DCLK3: variants seen among roughly 807,000 people sequenced by gnomAD.
DCLK3 encodes serine/threonine-protein kinase DCLK3.
DCLK3 carries 30 observed loss-of-function variants against 46.4 expected under a neutral mutation model. The ratio of observed to expected loss-of-function variants is 0.65; its 90% CI spans 0.48 to 0.88. The LOEUF (loss-of-function observed/expected upper bound fraction) is 0.88. Ranked by LOEUF, DCLK3 falls within the 40% of genes least tolerant of loss-of-function variation. DCLK3 has a pLI of 0.00. For missense variants in DCLK3, 846 were observed against 907.1 expected (o/e 0.93, Z 0.87); for synonymous variants, 401 against 339.2 (o/e 1.18, Z -2.00).
chr3:36,727,603 T>A (rs1451494896), intron 2 of DCLK3, among the ~76,000 whole-genome samples: 1 of 152,194 alleles, frequency 6.6e-6, no homozygotes, highest in Non-Finnish European at 1.5e-5. Flanking sequence ...AGAGCTTTTC[T>A]CTTTCAATCT....
At chr3:36,754,814 C>T (rs551880437) in intron 1 of DCLK3, among the ~76,000 whole-genome samples, 3 of 152,156 alleles carry the variant, frequency 2.0e-5, no homozygotes, top group South Asian at 2.1e-4. Context: ...TAGGACATAC[C>T]TATGTGTTTG....
At chr3:36,718,260 G>T in intron 3 of DCLK3, 83 bp from the exon 4 acceptor site, 1 of 1,579,386 alleles carries the variant, frequency 6.3e-7, no homozygotes, top group Non-Finnish European at 8.6e-7. Flanking sequence ...GAGTATTGTG[G>T]TTCTAAATAG....
chr3:36,722,997 A>C (rs1214022683), intron 2 of DCLK3, among the ~76,000 whole-genome samples: 1 of 152,204 alleles, frequency 6.6e-6, no homozygotes, highest in African/African-American at 2.4e-5. Flanking sequence ...GAAGACAGAA[A>C]AATGTGGGAA....
intron 1 of DCLK3, among the ~76,000 whole-genome samples, chr3:36,760,543 G>A (rs934429749): frequency 1.3e-5 from 2 of 151,934 alleles, no homozygotes; most frequent in African/African-American, 2.4e-5. Context: ...GAGTTAATGG[G>A]TGCAGCACAC....
In DCLK3 at chr3:36,737,814, C is replaced by G; in HGVS notation, c.1353G>C (p.Ala451=). The G allele has an allele frequency of 6.2e-7, 1 of 1,614,108 alleles. No individual in the cohort carries two copies. The highest frequency in any genetic ancestry group is 8.5e-7 in the Non-Finnish European group (1 of 1,180,036). Residue 451 remains alanine (A), a synonymous_variant, in exon 2 of 5, where the codon GCG becomes GCC. Coordinates refer to ENST00000636136, the MANE Select transcript of DCLK3 (RefSeq NM_001394672.2). This position sits in a 1 kb window ranked among gnomAD's most constrained non-coding sequence, Gnocchi z 4.4. ...GGGTCCTGCGGAGCTTCTCAAAGCC[C>G]GCCTGGTGCTCTCTCAGGAGCCAGC... is the stretch of plus-strand genomic sequence containing the variant. ...HGGWLLREHQ[A]GFEKLRRTRG...
intron 2 of DCLK3, among the ~76,000 whole-genome samples, chr3:36,723,082 G>A (rs998319434): frequency 1.1e-4 from 17 of 152,188 alleles, no homozygotes; most frequent in African/African-American, 4.1e-4. Context: ...ATAAAGTCCA[G>A]ACTGAGGTGG....
At chr3:36,749,864 TC>T (rs1371930619) in intron 1 of DCLK3, among the ~76,000 whole-genome samples, 2 of 152,194 alleles carry the variant, frequency 1.3e-5, no homozygotes, top group Admixed American at 1.3e-4. Context: ...TAGCCTTCAT[TC>T]ATATTCAGGA....
rs78562381 is a variant in DCLK3 at position 36,758,717 on chromosome 3, C to G, written c.82+5465G>C. ...AGGTGTTTTCCTATGGCAGCACAAACAGACTGAGACAGTTGGCATCAAGAA... is the reference window on the plus strand; with the variant it reads ...AGGTGTTTTCCTATGGCAGCACAAAGAGACTGAGACAGTTGGCATCAAGAA... On this transcript the variant is annotated intron_variant, in intron 1 of 4. Transcript: ENST00000636136. Among the ~76,000 whole-genome samples, 1,482 of 152,336 alleles carry G rather than the reference C, an allele frequency of 9.7e-3. 34 individuals carry two copies. The highest frequency in any genetic ancestry group is 0.034 in the African/African-American group (1,401 of 41,562).
rs569027344 is a variant in DCLK3, at chr3:36,719,288, CT to C, written c.2093-1112del. On this transcript the variant is annotated intron_variant, in intron 3 of 4. Transcript: ENST00000636136. ...ACATTTTCAAACACTTTCTAACTAA[CT>C]TTTTACAGTTAGAAAAAGAAAACAC... Among the ~76,000 whole-genome samples, 250 of 152,290 alleles carry C rather than the reference CT, an allele frequency of 1.6e-3. 1 individual carries two copies. Among genetic ancestry groups the C allele is most frequent in the African/African-American group, 5.6e-3 (234 of 41,566 alleles).
intron 1 of DCLK3, among the ~76,000 whole-genome samples, chr3:36,746,927 A>G (rs1701398457): frequency 2.0e-5 from 3 of 152,218 alleles, no homozygotes; most frequent in Admixed American, 2.0e-4. Context: ...GATGATGCTG[A>G]TGCTGATGCT....
At chr3:36,755,682 C>T (rs1275892161) in intron 1 of DCLK3, among the ~76,000 whole-genome samples, 1 of 151,986 alleles carries the variant, frequency 6.6e-6, no homozygotes, top group African/African-American at 2.4e-5. Flanking sequence ...TTCTTATGGA[C>T]CAGTGTAGGA....
chr3:36,741,976 C>T (rs967840116), intron 1 of DCLK3, among the ~76,000 whole-genome samples: 1 of 152,056 alleles, frequency 6.6e-6, no homozygotes, highest in African/African-American at 2.4e-5. Context: ...AGGGGAGAAC[C>T]AATAGGACAA....
At chr3:36,721,992 G>A (rs1335624855) in intron 2 of DCLK3, among the ~76,000 whole-genome samples, 1 of 152,166 alleles carries the variant, frequency 6.6e-6, no homozygotes, top group South Asian at 2.1e-4. Context: ...AGCCACTTGT[G>A]GCTTGTGGCT....
At chr3:36,741,564 C>A (rs1313579474) in intron 1 of DCLK3, among the ~76,000 whole-genome samples, 1 of 152,116 alleles carries the variant, frequency 6.6e-6, no homozygotes, top group African/African-American at 2.4e-5. Flanking sequence ...AATGAGCAAC[C>A]AAGAGTGCTA....
intron 2 of DCLK3, among the ~76,000 whole-genome samples, chr3:36,736,010 A>G (rs1017856195): frequency 1.3e-5 from 2 of 152,254 alleles, no homozygotes; most frequent in Non-Finnish European, 2.9e-5. Context: ...GATAAAGAAG[A>G]AAGTGGGTGA....
At chr3:36,717,862 A>T (rs1701004333) in intron 4 of DCLK3, 148 bp downstream of exon 4, 1 of 1,079,982 alleles carries the variant, frequency 9.3e-7, no homozygotes, top group Non-Finnish European at 1.3e-6. Flanking sequence ...TGCTACACAA[A>T]CCTACATGAA....
At chr3:36,720,864 C>A (rs1701046258) in intron 3 of DCLK3, among the ~76,000 whole-genome samples, 1 of 152,172 alleles carries the variant, frequency 6.6e-6, no homozygotes. Context: ...CCGTCCATCC[C>A]TTCTCCCTGT....
At position 36,737,664 on chromosome 3, in the gene DCLK3, G is replaced by C. The variant is rs367905954; in HGVS notation, c.1503C>G (p.Asn501Lys). The C allele has an allele frequency of 3.2e-5, 51 of 1,613,740 alleles. No homozygotes were observed. The East Asian group carries it at 6.7e-4, about 21-fold the overall frequency. The change falls in exon 2 of 5, where the codon AAC (asparagine) becomes AAG (lysine). Residue 501 changes from asparagine (N) to lysine (K), a missense_variant. This residue lies in a region of DCLK3 where 553 missense variants were observed against 543.0 expected (regional missense o/e 1.02). Coordinates refer to ENST00000636136, the MANE Select transcript of DCLK3 (RefSeq NM_001394672.2). The surrounding 1 kb of genome is among the most constrained non-coding windows in gnomAD (Gnocchi z 4.4). ...TCCGACCGCTGGGCCGCTCTGGCTT[G>C]TTCTCTTCTGGCCTCGTCTTGGGCT... ...EKEPKTRPEENKPERPSGRKP... is the reference protein window; with the variant it reads ...EKEPKTRPEEKKPERPSGRKP...
chr3:36,753,224 T>C (rs909149699), intron 1 of DCLK3, among the ~76,000 whole-genome samples: 4 of 152,224 alleles, frequency 2.6e-5, no homozygotes, highest in African/African-American at 7.2e-5. Context: ...ATAGAAAATA[T>C]AAAACTTTCC....
Sources: allele counts gnomAD v4.1 joint callset (sites outside exome capture counted in the v4.1 genomes callset), GRCh38; gene constraint gnomAD v4.1.1; regional missense constraint gnomAD v4.1.1; non-coding constraint Gnocchi (gnomAD v3.1); transcripts MANE v1.5; gene names NCBI Gene and HGNC (gene_info 2026-07-23, HGNC 2026-07-21).